The following MACF1 variants were observed in gnomAD, a reference collection of about 807,000 sequenced individuals.
MACF1 encodes microtubule actin crosslinking factor 1, also known as microtubule-actin cross-linking factor 1.
MACF1 carries 193 observed loss-of-function variants against 854.8 expected under a neutral mutation model. The observed-to-expected ratio is 0.23, with a 90% CI of 0.20 to 0.25. MACF1 has a LOEUF of 0.25. Ranked by LOEUF, MACF1 falls within the 10% of genes least tolerant of loss-of-function variation. MACF1 has a pLI of 1.00. For synonymous variants in MACF1, 3,185 were observed against 3,226.7 expected (o/e 0.99, Z 0.44); for missense variants, 7,722 against 8,929.1 (o/e 0.86, Z 5.45).
chr1:39,473,676 C>CAT (rs1644820927), intron 97 of MACF1, among the ~76,000 whole-genome samples: 1 of 143,816 alleles, frequency 7.0e-6, no homozygotes, highest in African/African-American at 2.6e-5. Context: ...ATGAAGGTTG[C>CAT]GAGATCCATT....
Position 39,361,008 on chromosome 1 carries a change from T to C in MACF1, c.12453+7T>C. 2 of 1,612,272 alleles carry C rather than the reference T, an allele frequency of 1.2e-6. No homozygotes were observed. Among genetic ancestry groups the C allele is most frequent in the South Asian group, 2.2e-5 (2 of 91,036 alleles). On this transcript the variant is annotated splice_region_variant and intron_variant, in intron 48 of 100. Transcript: ENST00000564288. ...AGCCTTAGCCACAAATATGGTAAGA[T>C]CTGTGTCCCAAGAGCTAGCATAGAG...
At chr1:39,474,154 C>T (rs1393142986) in intron 97 of MACF1, among the ~76,000 whole-genome samples, 1 of 151,886 alleles carries the variant, frequency 6.6e-6, no homozygotes, top group Admixed American at 6.6e-5. Flanking sequence ...TTTGGGAGGC[C>T]GAGGCGGGCA....
chr1:39,372,611 T>C lies in MACF1; in HGVS notation c.13213+15T>C, dbSNP rs777332776. On this transcript the variant is annotated intron_variant, in intron 52 of 100. Transcript: ENST00000564288. The stretch of plus-strand genomic sequence containing the variant: ...AGGCAAGACAGGTGAGTACAGGCTC[T>C]TCAAAATATAGTGAATAAAAATTGC... 4 of 1,530,414 alleles carry C rather than the reference T, an allele frequency of 2.6e-6. No individual in the cohort carries two copies. In the South Asian group the frequency reaches 4.5e-5, roughly 17 times the overall value. 94.8% of individuals were successfully genotyped at this position (1,530,414 alleles called of 1,614,324 possible).
chr1:39,380,187 A>G, intron 54 of MACF1, 57 bp from the exon 55 acceptor site: 3 of 1,575,702 alleles, frequency 1.9e-6, no homozygotes, highest in Non-Finnish European at 2.6e-6. Flanking sequence ...TCTACCACAC[A>G]CACAACTTTG....
intron 1 of MACF1, among the ~76,000 whole-genome samples, chr1:39,220,851 CTT>C (rs1644643789): frequency 6.6e-6 from 1 of 152,074 alleles, no homozygotes; most frequent in Non-Finnish European, 1.5e-5. Flanking sequence ...CAGAAATGGA[CTT>C]AGATACAGAG....
intron 6 of MACF1, among the ~76,000 whole-genome samples, chr1:39,271,412 A>C (rs1002653300): frequency 6.6e-6 from 1 of 152,198 alleles, no homozygotes; most frequent in Non-Finnish European, 1.5e-5. Flanking sequence ...AACAGCACCA[A>C]GGGGATGGTG....
intron 58 of MACF1, among the ~76,000 whole-genome samples, chr1:39,418,047 A>C (rs1643393820): frequency 6.6e-6 from 1 of 152,176 alleles, no homozygotes; most frequent in South Asian, 2.1e-4. Flanking sequence ...AATTTTGGCA[A>C]ATTCTTTGAA....
intron 49 of MACF1, 152 bp downstream of exon 49, chr1:39,361,829 A>G: frequency 1.3e-6 from 1 of 747,492 alleles, no homozygotes; most frequent in Admixed American, 2.8e-5. Flanking sequence ...TAAACTAGGT[A>G]TCATTTGTCC....
intron 56 of MACF1, among the ~76,000 whole-genome samples, chr1:39,383,283 T>G (rs1650404440): frequency 6.6e-6 from 1 of 152,210 alleles, no homozygotes; most frequent in Admixed American, 6.5e-5. Context: ...AGGAACTGCT[T>G]CTTTTAGTTC....
chr1:39,105,919 C>A lies in MACF1; in HGVS notation c.220+21481C>A, dbSNP rs945210763. ...CTTCGGAAACCGCCCCCGGGGCAGT[C>A]GGCGCGCTCAGAGCGCCAGTTACAT... is the stretch of plus-strand genomic sequence containing the variant. On this transcript the variant is annotated intron_variant, in intron 2 of 93. Coordinates refer to the MACF1 transcript ENST00000361689. The surrounding 1 kb of genome is among the most constrained non-coding windows in gnomAD (Gnocchi z 5.9). Among the ~76,000 whole-genome samples, 11 of 152,202 alleles carry A rather than the reference C, an allele frequency of 7.2e-5. No homozygotes were observed. The highest frequency in any genetic ancestry group is 1.5e-4 in the Non-Finnish European group (10 of 68,026).
chr1:39,353,065 G>C lies in MACF1; in HGVS notation c.11258G>C (p.Trp3753Ser), dbSNP rs923938360. ...NKKKIDALLD[W>S]VTSVGSSGGQ... ...AAGAAGATCGATGCTCTCCTGGATT[G>C]GGTAACTTCAGTAGGATCATCTGGT... The change falls in exon 44 of 101, where the codon TGG becomes TCG. Residue 3753 changes from tryptophan to serine, a missense_variant. Around this residue, in one of 15 missense-constraint regions of MACF1, gnomAD observed 2,807 missense variants for 3,235.8 expected, o/e 0.87. Transcript: ENST00000564288. 1 of 1,613,942 alleles carries C rather than the reference G, an allele frequency of 6.2e-7. No individual in the cohort carries two copies. The highest frequency in any genetic ancestry group is 1.3e-5 in the African/African-American group (1 of 74,892).
intron 1 of MACF1, among the ~76,000 whole-genome samples, chr1:39,219,486 A>G (rs528252941): frequency 6.6e-6 from 1 of 152,364 alleles, no homozygotes; most frequent in African/African-American, 2.4e-5. Flanking sequence ...CATAATAAAC[A>G]CAATAAATAT....
chr1:39,257,201 T>C (rs80288558), intron 5 of MACF1, among the ~76,000 whole-genome samples: 2,316 of 152,310 alleles, frequency 0.015, 65 homozygotes, highest in African/African-American at 0.053. Context: ...GTAGCATATC[T>C]CTATAATGGA....
intron 26 of MACF1, among the ~76,000 whole-genome samples, chr1:39,314,318 A>G (rs534544301): frequency 6.6e-6 from 1 of 152,192 alleles, no homozygotes; most frequent in South Asian, 2.1e-4. Flanking sequence ...CTGAAGCAGG[A>G]GAATCATTTG....
chr1:39,089,899 A>G (rs1024655358), intron 2 of MACF1, among the ~76,000 whole-genome samples: 1 of 152,196 alleles, frequency 6.6e-6, no homozygotes, highest in Non-Finnish European at 1.5e-5. Flanking sequence ...GTGCTGGAAA[A>G]ACACAGGTTC....
intron 41 of MACF1, among the ~76,000 whole-genome samples, chr1:39,348,350 G>GCTGCAGCAGGTGATAGAA (rs2148496520): frequency 6.6e-6 from 1 of 152,334 alleles, no homozygotes; most frequent in African/African-American, 2.4e-5. Flanking sequence ...AGACTCCTGA[G>GCTGCAGCAGGTGATAGAA]CTGCAGCAGG....
chr1:39,428,265 A>C lies in MACF1; in HGVS notation c.16781A>C (p.His5594Pro). Reference protein sequence around the residue: ...FVKDFKQDVLHRQHADHLALN... With the variant: ...FVKDFKQDVLPRQHADHLALN... ...AAGGATTTCAAACAGGATGTCCTGC[A>C]CAGGCAGCATGCTGACCACCTGGTA... The change falls in exon 63 of 101, where the codon CAC (histidine) becomes CCC (proline). Residue 5594 changes from histidine to proline, a missense_variant. This residue lies in a region of MACF1 where 2,807 missense variants were observed against 3,235.8 expected (regional missense o/e 0.87). Transcript: ENST00000564288. 6.2e-7 allele frequency: 1 copy of C among 1,612,342 alleles called. No homozygotes were observed. The highest frequency in any genetic ancestry group is 1.1e-5 in the South Asian group (1 of 90,748).
chr1:39,130,162 C>G (rs1231717608), intron 2 of MACF1, among the ~76,000 whole-genome samples: 1 of 152,284 alleles, frequency 6.6e-6, no homozygotes, highest in African/African-American at 2.4e-5. Context: ...TTTTTCCCCC[C>G]CATTCATGGG....
At chr1:39,477,053 A>G (rs1232573498) in intron 97 of MACF1, among the ~76,000 whole-genome samples, 226 of 13,388 alleles carry the variant, frequency 0.017, no homozygotes, top group Admixed American at 0.044. Context: ...GTGTATATAT[A>G]TATATATATA....
Sources: gnomAD v4.1 joint callset for allele counts (sites outside exome capture counted in the v4.1 genomes callset) on GRCh38, gnomAD v4.1.1 for gene constraint, gnomAD v4.1.1 regional missense constraint, Gnocchi (gnomAD v3.1) non-coding constraint, MANE v1.5 for transcripts, NCBI Gene and HGNC (gene_info 2026-07-23, HGNC 2026-07-21) for gene names.